The following BCAT2 variants were observed in gnomAD, a reference collection of about 807,000 sequenced individuals.
The protein encoded by BCAT2 is branched chain amino acid transaminase 2.
A neutral mutation model predicts 52.9 loss-of-function variants in BCAT2; 44 were observed. The ratio of observed to expected loss-of-function variants is 0.83; its 90% CI spans 0.65 to 1.07. The LOEUF is 1.07. BCAT2 is among the 50% of genes least tolerant of loss of function. The pLI, the probability that BCAT2 is intolerant of heterozygous loss-of-function variation, is 0.00. For synonymous variants in BCAT2, 215 were observed against 217.1 expected (o/e 0.99, Z 0.08); for missense variants, 478 against 521.8 (o/e 0.92, Z 0.82).
chr19:48,798,026 C>G (rs891268111), intron 6 of BCAT2, among the ~76,000 whole-genome samples: 1 of 152,122 alleles, frequency 6.6e-6, no homozygotes, highest in African/African-American at 2.4e-5. Flanking sequence ...CCTCAGCCCC[C>G]CAAAGTGCTG....
At chr19:48,810,720 C>A in intron 1 of BCAT2, 2 of 1,011,706 alleles carry the variant, frequency 2.0e-6, no homozygotes, top group Non-Finnish European at 2.6e-6. Context: ...ATTACAGGGT[C>A]CTCCACCATG....
Sources: gnomAD v4.1 joint callset for allele counts (sites outside exome capture counted in the v4.1 genomes callset) on GRCh38, gnomAD v4.1.1 for gene constraint, MANE v1.5 for transcripts, NCBI Gene and HGNC (gene_info 2026-07-23, HGNC 2026-07-21) for gene names.